The following FSTL4 variants were observed in gnomAD, a reference collection of about 807,000 sequenced individuals.
FSTL4 encodes follistatin like 4.
Under a neutral mutation model 78.2 loss-of-function variants are expected in FSTL4, and 28 were observed. The observed-to-expected ratio is 0.36, with a 90% CI of 0.27 to 0.49. FSTL4 has a LOEUF of 0.49. Among genes scored for constraint, FSTL4 ranks in the 20% least tolerant of loss-of-function variants. The pLI is 0.98. For synonymous variants in FSTL4, 422 were observed against 440.5 expected, an observed-to-expected ratio of 0.96 and a Z score of 0.53; for missense variants, 922 against 1,084.9, an observed-to-expected ratio of 0.85 and a Z score of 2.11.
At chr5:133,351,373 T>C (rs1754819626) in intron 4 of FSTL4, among the ~76,000 whole-genome samples, 1 of 152,222 alleles carries the variant, frequency 6.6e-6, no homozygotes, top group African/African-American at 2.4e-5. Flanking sequence ...GAAAGTATTT[T>C]TCAATTCTGG....
intron 2 of FSTL4, among the ~76,000 whole-genome samples, chr5:133,598,402 G>A (rs1310693008): frequency 6.6e-6 from 1 of 151,740 alleles, no homozygotes; most frequent in Non-Finnish European, 1.5e-5. Flanking sequence ...CTCAAGAGGT[G>A]CTGGCACAGG....
At chr5:133,828,291 A>G in the FSTL4 span, among the ~76,000 whole-genome samples, 2 of 152,166 alleles carry the variant, frequency 1.3e-5, no homozygotes, top group African/African-American at 4.8e-5. Flanking sequence ...CTAAGTACAT[A>G]TGTATAGGTA....
intron 6 of FSTL4, among the ~76,000 whole-genome samples, chr5:133,298,779 C>T (rs1270996706): frequency 6.6e-6 from 1 of 152,228 alleles, no homozygotes; most frequent in South Asian, 2.1e-4. Flanking sequence ...GGGACAGCCA[C>T]TTGCCAGGCC....
At chr5:133,795,063 C>T in the FSTL4 span, among the ~76,000 whole-genome samples, 1 of 152,198 alleles carries the variant, frequency 6.6e-6, no homozygotes, top group African/African-American at 2.4e-5. Flanking sequence ...CAAAACAAGG[C>T]AGTCAGAACA....
Position 133,583,389 on chromosome 5 carries a change from G to C in FSTL4, c.127-16170C>G, listed in dbSNP as rs1274388394. 5 of 274,868 alleles carry C rather than the reference G, an allele frequency of 1.8e-5. 1 individual carries two copies. Among genetic ancestry groups the C allele is most frequent in the Non-Finnish European group, 2.9e-5 (4 of 136,682 alleles). 17.0% of individuals were successfully genotyped at this position (274,868 alleles called of 1,614,324 possible). On this transcript the variant is annotated intron_variant, in intron 2 of 15. Coordinates refer to ENST00000265342, the MANE Select transcript of FSTL4 (RefSeq NM_015082.2). ...TTTCTGCATTTCCATCTGAGGTACCGGGTTCATCTCACTAGGGAGTGCCAG... is the reference window on the plus strand; with the variant it reads ...TTTCTGCATTTCCATCTGAGGTACCCGGTTCATCTCACTAGGGAGTGCCAG...
At chr5:133,630,721 C>T in the FSTL4 span, among the ~76,000 whole-genome samples, 6 of 152,132 alleles carry the variant, frequency 3.9e-5, no homozygotes, top group East Asian at 3.8e-4. Flanking sequence ...GGAGGCATCA[C>T]GCTACCTGAC....
intron 3 of FSTL4, among the ~76,000 whole-genome samples, chr5:133,504,118 C>T (rs1191076179): frequency 1.3e-5 from 2 of 152,080 alleles, no homozygotes; most frequent in South Asian, 4.2e-4. Flanking sequence ...TCCTACCACA[C>T]GTGGGGATTA....
rs755545022 is a variant in FSTL4 at position 133,583,307 on chromosome 5, G to T, written c.127-16088C>A. 4.1e-4 allele frequency: 172 copies of T among 415,458 alleles called. 29 individuals carry two copies. Among genetic ancestry groups the T allele is most frequent in the Non-Finnish European group, 6.2e-5 (13 of 208,762 alleles). 25.7% of individuals were successfully genotyped at this position (415,458 alleles called of 1,614,324 possible). On this transcript the variant is annotated intron_variant, in intron 2 of 15. Coordinates refer to ENST00000265342, the MANE Select transcript of FSTL4 (RefSeq NM_015082.2). ...GGCCCCAGGAGGAGCCAAGATGGCC[G>T]AATAGGAACAGCTCCGGTCTACAGC...
chr5:133,631,952 A>G, the FSTL4 span, among the ~76,000 whole-genome samples: 2 of 152,114 alleles, frequency 1.3e-5, no homozygotes, highest in African/African-American at 4.8e-5. Context: ...GAACAATGAG[A>G]ACACATGGAC....
chr5:133,258,160 T>C (rs1162571428), intron 6 of FSTL4, among the ~76,000 whole-genome samples: 1 of 152,218 alleles, frequency 6.6e-6, no homozygotes, highest in South Asian at 2.1e-4. Flanking sequence ...AATGGGGCCA[T>C]GTCATTGGGT....
chr5:133,201,446 A>G (rs1750316986), intron 15 of FSTL4, among the ~76,000 whole-genome samples: 1 of 152,128 alleles, frequency 6.6e-6, no homozygotes, highest in Non-Finnish European at 1.5e-5. Flanking sequence ...GTTAGATGGG[A>G]ATGTGGAAGA....
intron 3 of FSTL4, among the ~76,000 whole-genome samples, chr5:133,425,688 A>C (rs1756797130): frequency 6.6e-6 from 1 of 152,202 alleles, no homozygotes; most frequent in Non-Finnish European, 1.5e-5. Flanking sequence ...TTAAAGCATT[A>C]ATTAATTAAT....
At chr5:133,395,394 G>A (rs932631040) in intron 4 of FSTL4, among the ~76,000 whole-genome samples, 2 of 152,114 alleles carry the variant, frequency 1.3e-5, no homozygotes, top group Admixed American at 6.5e-5. Flanking sequence ...TGAAGCCAGC[G>A]AGACCACGAA....
intron 6 of FSTL4, among the ~76,000 whole-genome samples, chr5:133,254,041 T>C (rs1218927112): frequency 6.6e-6 from 1 of 152,170 alleles, no homozygotes; most frequent in Admixed American, 6.5e-5. Flanking sequence ...GGACAGATAT[T>C]AGGTGAAGAA....
At chr5:133,787,352 C>T in the FSTL4 span, among the ~76,000 whole-genome samples, 1 of 152,168 alleles carries the variant, frequency 6.6e-6, no homozygotes, top group Admixed American at 6.5e-5. Flanking sequence ...TCAACTGGAA[C>T]CCAGCCTGCC....
the FSTL4 span, among the ~76,000 whole-genome samples, chr5:133,658,868 T>A: frequency 1.3e-5 from 2 of 152,178 alleles, no homozygotes; most frequent in African/African-American, 4.8e-5. Context: ...TAACAACTTC[T>A]CTTTGGTTTA....
the FSTL4 span, among the ~76,000 whole-genome samples, chr5:133,701,509 A>ACACACACACACACACCCCC: frequency 7.5e-6 from 1 of 132,624 alleles, no homozygotes; most frequent in Admixed American, 7.6e-5. Context: ...ACACACACAC[A>ACACACACACACACACCCCC]CCCCACAGGC....
chr5:133,385,933 GTT>G (rs945859579), intron 4 of FSTL4, among the ~76,000 whole-genome samples: 5 of 151,360 alleles, frequency 3.3e-5, no homozygotes, highest in African/African-American at 1.2e-4. Flanking sequence ...ATGTGTGTGT[GTT>G]TTTTTTTTAA....
the FSTL4 span, among the ~76,000 whole-genome samples, chr5:133,827,981 G>T: frequency 2.0e-5 from 3 of 152,144 alleles, no homozygotes; most frequent in African/African-American, 7.2e-5. Flanking sequence ...TATCTCCTGG[G>T]TCACAAAGCC....
Sources: allele counts gnomAD v4.1 joint callset (sites outside exome capture counted in the v4.1 genomes callset), GRCh38; gene constraint gnomAD v4.1.1; transcripts MANE v1.5; gene names NCBI Gene and HGNC (gene_info 2026-07-23, HGNC 2026-07-21).